MIA2: variants seen among roughly 807,000 people sequenced by gnomAD.
The protein encoded by MIA2 is MIA SH3 domain ER export factor 2, also known as melanoma inhibitory activity protein 2.
MIA2 carries 127 observed loss-of-function variants against 167.8 expected under a neutral mutation model. That is an observed-to-expected ratio of 0.76 (90% CI 0.66 to 0.88). MIA2 has a LOEUF of 0.88. MIA2 is among the 40% of genes least tolerant of loss of function. The pLI is 0.00. For synonymous variants in MIA2, 552 were observed against 541.9 expected, an observed-to-expected ratio of 1.02 and a Z score of -0.26; for missense variants, 1,690 against 1,624.7, an observed-to-expected ratio of 1.04 and a Z score of -0.69.
At chr14:39,346,984 C>T (rs181294501) in intron 26 of MIA2, 3 of 229,894 alleles carry the variant, frequency 1.3e-5, no homozygotes, top group East Asian at 3.0e-4. Context: ...GACTGGAGTG[C>T]AGTGGCTCCA....
At chr14:39,306,137 G>A (rs944239104) in intron 17 of MIA2, among the ~76,000 whole-genome samples, 1 of 151,792 alleles carries the variant, frequency 6.6e-6, no homozygotes, top group Non-Finnish European at 1.5e-5. Flanking sequence ...AAAAATTTCT[G>A]TGGAAAGATA....
At chr14:39,279,281 G>T in intron 7 of MIA2, 56 bp from the exon 8 acceptor site, 2 of 1,481,326 alleles carry the variant, frequency 1.4e-6, no homozygotes, top group South Asian at 2.4e-5. Flanking sequence ...TAAATGAATT[G>T]ATTTACTTGA....
At chr14:39,277,184 G>A (rs1047042210) in intron 7 of MIA2, 119 bp downstream of exon 7, 28 of 1,342,334 alleles carry the variant, frequency 2.1e-5, no homozygotes, top group Non-Finnish European at 2.8e-5. Context: ...GGGATTCAGA[G>A]GTTTTTGTTT....
chr14:39,353,531 T>G (rs963861861), downstream of MIA2, among the ~76,000 whole-genome samples: 1 of 152,216 alleles, frequency 6.6e-6, no homozygotes, highest in African/African-American at 2.4e-5. Context: ...ATTTCATTTT[T>G]TATGACTGAA....
intron 18 of MIA2, among the ~76,000 whole-genome samples, chr14:39,312,297 ATC>A (rs1219953844): frequency 3.0e-4 from 38 of 127,778 alleles, no homozygotes; most frequent in Non-Finnish European, 6.4e-4. Context: ...GTAAAAACAC[ATC>A]TCTCTTCCAT....
At chr14:39,337,127 A>T (rs1443531140) in intron 25 of MIA2, among the ~76,000 whole-genome samples, 1 of 152,126 alleles carries the variant, frequency 6.6e-6, no homozygotes, top group East Asian at 1.9e-4. Context: ...TAACCATATA[A>T]CTCCATAAGA....
intron 6 of MIA2, among the ~76,000 whole-genome samples, chr14:39,274,281 T>G (rs1311621299): frequency 6.6e-6 from 1 of 152,176 alleles, no homozygotes; most frequent in Non-Finnish European, 1.5e-5. Context: ...GAAATTTGGT[T>G]GTTCTTTCTA....
At chr14:39,285,118 A>G (rs1189657238) in intron 9 of MIA2, among the ~76,000 whole-genome samples, 4 of 152,198 alleles carry the variant, frequency 2.6e-5, no homozygotes, top group African/African-American at 9.7e-5. Context: ...TTTTCTTAGT[A>G]CAGAACAAAA....
At position 39,248,121 on chromosome 14, in the gene MIA2, A is replaced by G; in HGVS notation, c.1547A>G (p.Lys516Arg). The G allele has an allele frequency of 1.3e-6, 2 of 1,500,848 alleles. No individual in the cohort carries two copies. Among genetic ancestry groups the G allele is most frequent in the Non-Finnish European group, 1.8e-6 (2 of 1,120,642 alleles). 93.0% of individuals were successfully genotyped at this position (1,500,848 alleles called of 1,614,324 possible). A position where few individuals can be genotyped will look rare whatever the true frequency, so the allele number is the denominator to read the frequency against. Reference protein sequence around the residue: ...PTDNTKVMIFKSSYSLSDMVS... With the variant: ...PTDNTKVMIFRSSYSLSDMVS... ...GATAATACAAAAGTTATGATATTCAAAAGTTCATACAGTCTGTCAGGTTGG... is the reference window on the plus strand; with the variant it reads ...GATAATACAAAAGTTATGATATTCAGAAGTTCATACAGTCTGTCAGGTTGG... Residue 516 changes from lysine to arginine, a missense_variant, in exon 4 of 29, where the codon AAA (lysine) becomes AGA (arginine). Physicochemically the swap from Lys to Arg is conservative, Grantham distance 26 (BLOSUM62 2). Transcript: ENST00000640607.
At chr14:39,366,670 G>A (rs1432715686) in intron 23 of MIA2, among the ~76,000 whole-genome samples, 1 of 152,208 alleles carries the variant, frequency 6.6e-6, no homozygotes, top group Non-Finnish European at 1.5e-5. Flanking sequence ...CTGTCCTGTG[G>A]TATGCATGGG....
At chr14:39,304,740 A>G (rs1337359363) in intron 17 of MIA2, among the ~76,000 whole-genome samples, 1 of 152,194 alleles carries the variant, frequency 6.6e-6, no homozygotes, top group Non-Finnish European at 1.5e-5. Flanking sequence ...ATTGATCTTC[A>G]ATAGTGGTAC....
At chr14:39,306,531 A>C (rs576334490) in intron 17 of MIA2, among the ~76,000 whole-genome samples, 85 of 151,932 alleles carry the variant, frequency 5.6e-4, no homozygotes, top group African/African-American at 2.0e-3. Flanking sequence ...ATTAGAAACC[A>C]CCCCCTTGGT....
At chr14:39,337,107 TATA>T (rs1397802025) in intron 25 of MIA2, among the ~76,000 whole-genome samples, 2 of 152,134 alleles carry the variant, frequency 1.3e-5, no homozygotes, top group Admixed American at 6.5e-5. Flanking sequence ...TTATATATTA[TATA>T]GTGACATAAC....
At chr14:39,299,376 T>C (rs10135713) in intron 13 of MIA2, among the ~76,000 whole-genome samples, 134,184 of 144,394 alleles carry the variant, frequency 0.93, 62,450 homozygotes, top group African/African-American at 0.95. Context: ...GGTGCAATCT[T>C]GGCTCACTGC....
chr14:39,299,828 T>C (rs2152870732), intron 13 of MIA2, 36 bp from the exon 14 acceptor site: 1 of 1,585,774 alleles, frequency 6.3e-7, no homozygotes, highest in Non-Finnish European at 8.5e-7. Context: ...GATTCACTTG[T>C]GTGATGAGTT....
chr14:39,294,665 A>C (rs891594479), intron 12 of MIA2, among the ~76,000 whole-genome samples: 1 of 152,192 alleles, frequency 6.6e-6, no homozygotes, highest in Non-Finnish European at 1.5e-5. Flanking sequence ...AGGCAGAATA[A>C]ATAGTTATCA....
intron 23 of MIA2, among the ~76,000 whole-genome samples, chr14:39,356,473 T>A (rs151023947): frequency 2.0e-5 from 3 of 152,324 alleles, no homozygotes; most frequent in Non-Finnish European, 4.4e-5. Flanking sequence ...GCTAGTGGTC[T>A]ATCAGTGTTG....
At chr14:39,273,807 G>GCTT in intron 6 of MIA2, among the ~76,000 whole-genome samples, 1 of 152,220 alleles carries the variant, frequency 6.6e-6, no homozygotes, top group African/African-American at 2.4e-5. Flanking sequence ...CTTGTGTGAT[G>GCTT]TATTTGTCTG....
intron 18 of MIA2, 29 bp from the exon 19 acceptor site, chr14:39,313,309 TAA>T: frequency 8.5e-7 from 1 of 1,174,672 alleles, no homozygotes; most frequent in South Asian, 1.3e-5. Context: ...TGACATGTAT[TAA>T]GAGAATTATA....
Sources: gnomAD v4.1 joint callset for allele counts (sites outside exome capture counted in the v4.1 genomes callset) on GRCh38, gnomAD v4.1.1 for gene constraint, MANE v1.5 for transcripts, NCBI Gene and HGNC (gene_info 2026-07-23, HGNC 2026-07-21) for gene names.